Variants in LIN9 observed in about 807,000 individuals in gnomAD.
The protein encoded by LIN9 is lin-9 DREAM MuvB core complex component, also known as protein lin-9 homolog.
LIN9 carries 18 observed loss-of-function variants against 78.0 expected under a neutral mutation model. That is an observed-to-expected ratio of 0.23 (90% confidence interval 0.16 to 0.34). The LOEUF is 0.34. Ranked by LOEUF, LIN9 falls within the 10% of genes least tolerant of loss-of-function variation. The pLI is 1.00. For missense variants in LIN9, 451 were observed against 644.1 expected (o/e 0.70, Z 3.25); for synonymous variants, 192 against 215.2 (o/e 0.89, Z 0.94).
chr1:226,301,089 A>G (rs1662508573), intron 2 of LIN9, 84 bp downstream of exon 2: 1 of 955,218 alleles, frequency 1.0e-6, no homozygotes, highest in Admixed American at 2.4e-5. Flanking sequence ...ATAACTTAGA[A>G]GGAAAATGGA....
intron 1 of LIN9, among the ~76,000 whole-genome samples, chr1:226,301,775 T>C (rs1226631946): frequency 6.6e-6 from 1 of 152,094 alleles, no homozygotes; most frequent in Non-Finnish European, 1.5e-5. Flanking sequence ...CAAACTCCAG[T>C]GTACATTAGA....
At chr1:226,309,195 C>T (rs779568116), upstream of LIN9, 4 of 1,459,150 alleles carry the variant, frequency 2.7e-6, no homozygotes, top group Non-Finnish European at 3.7e-6. Context: ...CATTGTGGGG[C>T]GGAGACTGTC....
chr1:226,249,783 T>A (rs1658712064), intron 11 of LIN9, among the ~76,000 whole-genome samples: 1 of 152,194 alleles, frequency 6.6e-6, no homozygotes, highest in Non-Finnish European at 1.5e-5. Context: ...AGATAAAACC[T>A]ATTTGCCATC....
intron 14 of LIN9, 43 bp from the exon 15 acceptor site, chr1:226,232,649 A>C: frequency 7.7e-7 from 1 of 1,300,652 alleles, no homozygotes. Flanking sequence ...ATTTCAAAAA[A>C]TTAAGAAAAA....
chr1:226,290,067 T>C (rs552614571), intron 4 of LIN9, among the ~76,000 whole-genome samples: 40 of 152,194 alleles, frequency 2.6e-4, no homozygotes, highest in African/African-American at 9.4e-4. Context: ...AAATCCCATA[T>C]GTTAAAAAAT....
At position 226,233,600 on chromosome 1, in the gene LIN9, T is replaced by C. The variant is rs193013558; in HGVS notation, c.1246-77A>G. 5,145 of 1,110,482 alleles carry C rather than the reference T, an allele frequency of 4.6e-3. 23 individuals are homozygous for C. The highest frequency in any genetic ancestry group is 0.02 in the Middle Eastern group (87 of 4,408). 68.8% of individuals were successfully genotyped at this position (1,110,482 alleles called of 1,614,324 possible). A position where few individuals can be genotyped will look rare whatever the true frequency, so the allele number is the denominator to read the frequency against. The stretch of plus-strand genomic sequence containing the variant: ...TTTCTGTATGTGTTTGTGCCCTCTT[T>C]TCAGATTTTAATTTTTATAAAACTA... On this transcript the variant is annotated intron_variant, in intron 12 of 14. Transcript: ENST00000681046.
chr1:226,295,480 A>G (rs902616753), intron 4 of LIN9, among the ~76,000 whole-genome samples: 1 of 151,302 alleles, frequency 6.6e-6, no homozygotes, highest in Non-Finnish European at 1.5e-5. Flanking sequence ...ACATATATAT[A>G]TATATTTTTT....
rs189008470 is a variant in LIN9 at position 226,254,686 on chromosome 1, C to T, written c.1039-3767G>A. Among the ~76,000 whole-genome samples, 783 of 151,938 alleles carry T rather than the reference C, an allele frequency of 5.2e-3. 6 individuals carry two copies. Among genetic ancestry groups the T allele is most frequent in the African/African-American group, 0.018 (742 of 41,464 alleles). ...CAGCACTTTGGGAGGACGAGACGGG[C>T]GGATCACGAGGTCAGGAGATCGAGA... is the stretch of plus-strand genomic sequence containing the variant. On this transcript the variant is annotated intron_variant, in intron 10 of 14. Transcript: ENST00000681046.
At chr1:226,294,708 A>T (rs935925114) in intron 4 of LIN9, among the ~76,000 whole-genome samples, 1 of 152,208 alleles carries the variant, frequency 6.6e-6, no homozygotes, top group African/African-American at 2.4e-5. Context: ...GAATGATTAT[A>T]TCAGAAGTTA....
chr1:226,238,822 T>C lies in LIN9; in HGVS notation c.1245+149A>G, dbSNP rs974772268. On this transcript the variant is annotated intron_variant, in intron 12 of 14. Transcript: ENST00000681046. ...TGTATAAAGCACTCTTCAACACTGA[T>C]GCTGGGAGGAGTAAGAAACTTTATA... The C allele has an allele frequency of 5.9e-6, 4 of 678,702 alleles. No homozygotes were observed. The Admixed American group carries it at 1.0e-4, about 17-fold the overall frequency. 42.0% of individuals were successfully genotyped at this position (678,702 alleles called of 1,614,324 possible).
chr1:226,301,272 T>A, intron 1 of LIN9, 67 bp from the exon 2 acceptor site: 1 of 1,256,342 alleles, frequency 8.0e-7, no homozygotes, highest in Non-Finnish European at 1.1e-6. Flanking sequence ...AGACCTTGGT[T>A]TGGGGGTAAA....
chr1:226,252,477 C>T (rs1183760952), intron 10 of LIN9, among the ~76,000 whole-genome samples: 2 of 152,070 alleles, frequency 1.3e-5, no homozygotes, highest in East Asian at 3.9e-4. Context: ...GTTAAATAAT[C>T]CCACAAGGAT....
chr1:226,237,888 G>C (rs1219185104), intron 12 of LIN9, among the ~76,000 whole-genome samples: 1 of 151,194 alleles, frequency 6.6e-6, no homozygotes, highest in Non-Finnish European at 1.5e-5. Context: ...GGGAGGCAGA[G>C]GTTCCAGTGA....
In LIN9 at chr1:226,231,249, A is replaced by G. The variant is rs997345603; in HGVS notation, c.*1252T>C. 1 of 152,630 alleles carries G rather than the reference A, an allele frequency of 6.6e-6. No individual in the cohort carries two copies. The allele number at this position is 152,630 out of a possible 1,614,324, so 9.5% of individuals were successfully genotyped here. ...TTAACATAACAGTTTAGCTAAATAT[A>G]AACTCTGCACTAAAGTTCTGCAGTG... On this transcript the variant is annotated 3_prime_UTR_variant, in exon 15 of 15. Coordinates refer to ENST00000681046, the MANE Select transcript of LIN9 (RefSeq NM_001366245.2).
chr1:226,293,832 A>G (rs1029224632), intron 4 of LIN9, among the ~76,000 whole-genome samples: 1 of 152,208 alleles, frequency 6.6e-6, no homozygotes, highest in East Asian at 1.9e-4. Context: ...TGGGATTACA[A>G]AATCAAATTA....
chr1:226,299,406 A>C (rs769293856), intron 2 of LIN9, among the ~76,000 whole-genome samples: 1 of 150,838 alleles, frequency 6.6e-6, no homozygotes, highest in Non-Finnish European at 1.5e-5. Context: ...CAGGAGGCTG[A>C]GGCACAAGAA....
chr1:226,277,145 G>A (rs1274353508), intron 7 of LIN9, among the ~76,000 whole-genome samples: 1 of 150,290 alleles, frequency 6.7e-6, no homozygotes, highest in Non-Finnish European at 1.5e-5. Flanking sequence ...GGAGGTCGAG[G>A]CCACAGTGAG....
At position 226,265,705 on chromosome 1, in the gene LIN9, T is replaced by A; in HGVS notation, c.937-71A>T. 2.3e-6 allele frequency: 2 copies of A among 851,282 alleles called. No homozygotes were observed. Among genetic ancestry groups the A allele is most frequent in the Non-Finnish European group, 3.7e-6 (2 of 546,800 alleles). The allele number at this position is 851,282 out of a possible 1,614,324, so 52.7% of individuals were successfully genotyped here. A position where few individuals can be genotyped will look rare whatever the true frequency, so the allele number is the denominator to read the frequency against. On this transcript the variant is annotated intron_variant, in intron 9 of 14. Transcript: ENST00000681046. This position sits in a 1 kb window ranked among gnomAD's most constrained non-coding sequence, Gnocchi z 4.1. The stretch of plus-strand genomic sequence containing the variant: ...AAGTATCTTATTTTTTTATTTTTAT[T>A]TTTTTTTAGACGGAGTCTCGCTCTG...
chr1:226,263,570 C>T (rs1659729991), intron 10 of LIN9, among the ~76,000 whole-genome samples: 2 of 152,174 alleles, frequency 1.3e-5, no homozygotes, highest in African/African-American at 4.8e-5. Context: ...CTCTCTCAAA[C>T]TCTCTCACAC....
Sources: allele counts gnomAD v4.1 joint callset (sites outside exome capture counted in the v4.1 genomes callset), GRCh38; gene constraint gnomAD v4.1.1; non-coding constraint Gnocchi (gnomAD v3.1); transcripts MANE v1.5; gene names NCBI Gene and HGNC (gene_info 2026-07-23, HGNC 2026-07-21).